The following NAV2 variants were observed in gnomAD, a reference collection of about 807,000 sequenced individuals.
NAV2 encodes helicase, APC down-regulated 1.
Under a neutral mutation model 223.2 loss-of-function variants are expected in NAV2, and 54 were observed. The observed-to-expected ratio is 0.24, with a 90% confidence interval of 0.19 to 0.30. The LOEUF (loss-of-function observed/expected upper bound fraction) is 0.30. NAV2 is among the 10% of genes least tolerant of loss of function. The pLI is 1.00. For synonymous variants in NAV2, 1,279 were observed against 1,239.3 expected (o/e 1.03, Z -0.67); for missense variants, 2,806 against 3,147.5 (o/e 0.89, Z 2.60).
intron 1 of NAV2, among the ~76,000 whole-genome samples, chr11:19,379,867 C>A (rs1334102978): frequency 1.3e-5 from 2 of 152,308 alleles, no homozygotes; most frequent in South Asian, 4.2e-4. Context: ...CATTTCTACT[C>A]CCGCCAGCAC....
At chr11:20,029,080 G>A (rs918283299) in intron 11 of NAV2, among the ~76,000 whole-genome samples, 2 of 152,184 alleles carry the variant, frequency 1.3e-5, no homozygotes, top group Non-Finnish European at 2.9e-5. Context: ...TTACCTGTTC[G>A]GCAGCTTTTA....
At chr11:19,640,802 A>G (rs1164891381) in intron 1 of NAV2, among the ~76,000 whole-genome samples, 1 of 152,216 alleles carries the variant, frequency 6.6e-6, no homozygotes, top group East Asian at 1.9e-4. Context: ...AAACCTGGAC[A>G]TGCTAAAATC....
intron 11 of NAV2, among the ~76,000 whole-genome samples, chr11:20,018,650 C>T (rs2054220526): frequency 6.6e-6 from 1 of 152,148 alleles, no homozygotes; most frequent in Admixed American, 6.5e-5. Context: ...AGGACCACAT[C>T]AGCAGTGATT....
At chr11:19,932,412 T>C (rs12418792) in intron 6 of NAV2, among the ~76,000 whole-genome samples, 22,412 of 152,104 alleles carry the variant, frequency 0.15, 2,175 homozygotes, top group East Asian at 0.39. Flanking sequence ...CTCAGCTCAC[T>C]GCAACCTCTA....
Position 19,464,984 on chromosome 11 carries a change from G to A in NAV2, c.75+113957G>A, listed in dbSNP as rs576829785. ...AAGCTTATAATATTACTATTTTTACGGGCTAGCCTGGAGTTGGGCTCTTTT... is the reference window on the plus strand; with the variant it reads ...AAGCTTATAATATTACTATTTTTACAGGCTAGCCTGGAGTTGGGCTCTTTT... On this transcript the variant is annotated intron_variant, in intron 1 of 37. Coordinates refer to the NAV2 transcript ENST00000360655. Among the ~76,000 whole-genome samples, 4 of 152,152 alleles carry A rather than the reference G, an allele frequency of 2.6e-5. No individual in the cohort carries two copies. In the East Asian group the frequency reaches 5.8e-4, roughly 22 times the overall value.
chr11:19,626,359 G>T (rs892982072), intron 1 of NAV2, among the ~76,000 whole-genome samples: 5 of 152,082 alleles, frequency 3.3e-5, no homozygotes, highest in Non-Finnish European at 5.9e-5. Flanking sequence ...TTAATTTCTG[G>T]GTTCTCTATT....
intron 1 of NAV2, among the ~76,000 whole-genome samples, chr11:19,363,502 A>G (rs1186634206): frequency 1.3e-5 from 2 of 152,190 alleles, no homozygotes; most frequent in Non-Finnish European, 2.9e-5. Flanking sequence ...TGAAACTGAA[A>G]TTCAAACCCA....
chr11:19,872,906 A>T (rs1019834663), intron 4 of NAV2, among the ~76,000 whole-genome samples: 1 of 152,092 alleles, frequency 6.6e-6, no homozygotes, highest in Admixed American at 6.6e-5. Context: ...GCTCTTGGAG[A>T]TGTGCCAGAG....
intron 8 of NAV2, among the ~76,000 whole-genome samples, chr11:19,944,258 T>C (rs1413381798): frequency 1.3e-5 from 2 of 152,134 alleles, no homozygotes; most frequent in Non-Finnish European, 2.9e-5. Context: ...AAGACTGCAC[T>C]GTGTCCTAGC....
chr11:20,055,685 T>A, intron 18 of NAV2, 84 bp from the exon 19 acceptor site: 1 of 1,241,528 alleles, frequency 8.1e-7, no homozygotes, highest in Non-Finnish European at 1.1e-6. Flanking sequence ...TGGCTAAAAA[T>A]AAGCAGTCTT....
At chr11:19,620,973 G>T (rs1188824895) in intron 1 of NAV2, among the ~76,000 whole-genome samples, 1 of 152,146 alleles carries the variant, frequency 6.6e-6, no homozygotes, top group African/African-American at 2.4e-5. Flanking sequence ...AGCATGAAGG[G>T]TTGTTGAATT....
chr11:19,823,938 GAAA>G (rs1398601986), intron 1 of NAV2, among the ~76,000 whole-genome samples: 1 of 151,870 alleles, frequency 6.6e-6, no homozygotes, highest in Non-Finnish European at 1.5e-5. Flanking sequence ...GAAAAGAAAA[GAAA>G]AAGTGCAATT....
chr11:19,916,882 T>G (rs1370727361), intron 6 of NAV2, among the ~76,000 whole-genome samples: 1 of 152,252 alleles, frequency 6.6e-6, no homozygotes, highest in African/African-American at 2.4e-5. Flanking sequence ...GAGTTAAGTC[T>G]GTAGCAGGCT....
chr11:19,500,503 T>G (rs1015835744), intron 1 of NAV2, among the ~76,000 whole-genome samples: 3 of 152,218 alleles, frequency 2.0e-5, no homozygotes, highest in African/African-American at 7.2e-5. Flanking sequence ...CCTGAAGAAA[T>G]GATTAAGCAC....
At chr11:19,530,642 G>A (rs1203143810) in intron 1 of NAV2, among the ~76,000 whole-genome samples, 1 of 152,226 alleles carries the variant, frequency 6.6e-6, no homozygotes, top group Non-Finnish European at 1.5e-5. Flanking sequence ...CCACGGAAAT[G>A]TGCTGTGGTT....
At chr11:19,433,445 T>G (rs1851105117) in intron 1 of NAV2, among the ~76,000 whole-genome samples, 1 of 152,236 alleles carries the variant, frequency 6.6e-6, no homozygotes, top group South Asian at 2.1e-4. Context: ...TTGTGCCTTT[T>G]AATAGCAAAC....
intron 37 of NAV2, among the ~76,000 whole-genome samples, chr11:20,116,999 TAG>T (rs1196944834): frequency 1.3e-5 from 2 of 152,176 alleles, no homozygotes; most frequent in Non-Finnish European, 2.9e-5. Flanking sequence ...GCCTCTTCCC[TAG>T]TTATGGCTGT....
intron 1 of NAV2, among the ~76,000 whole-genome samples, chr11:19,386,844 C>T (rs1849062548): frequency 1.3e-5 from 2 of 152,010 alleles, no homozygotes; most frequent in South Asian, 4.1e-4. Context: ...GGAAAACAAT[C>T]AAGCATGGGA....
intron 1 of NAV2, among the ~76,000 whole-genome samples, chr11:19,626,825 T>C (rs1830697339): frequency 6.6e-6 from 1 of 152,236 alleles, no homozygotes; most frequent in African/African-American, 2.4e-5. Flanking sequence ...ATTCAAATTC[T>C]GGTTCCAACT....
Sources: allele counts gnomAD v4.1 joint callset (sites outside exome capture counted in the v4.1 genomes callset), GRCh38; gene constraint gnomAD v4.1.1; transcripts MANE v1.5; gene names NCBI Gene and HGNC (gene_info 2026-07-23, HGNC 2026-07-21).